ZBTB38: variants seen among roughly 807,000 people sequenced by gnomAD.
The protein encoded by ZBTB38 is zinc finger and BTB domain containing 38, also known as zinc finger and BTB domain-containing protein 38.
ZBTB38 carries 20 observed loss-of-function variants against 76.8 expected under a neutral mutation model. That is an observed-to-expected ratio of 0.26 (90% CI 0.18 to 0.38). ZBTB38 has a LOEUF of 0.38. ZBTB38 is among the 10% of genes least tolerant of loss of function. ZBTB38 has a pLI of 1.00. For synonymous variants in ZBTB38, 504 were observed against 544.2 expected (o/e 0.93, Z 1.03); for missense variants, 1,082 against 1,482.3 (o/e 0.73, Z 4.43).
At chr3:141,347,451 C>T (rs926747006) in intron 1 of ZBTB38, among the ~76,000 whole-genome samples, 4 of 152,168 alleles carry the variant, frequency 2.6e-5, no homozygotes, top group Admixed American at 1.3e-4. Context: ...AATATATAGT[C>T]TCTTAGCATA....
chr3:141,381,933 A>T (rs1946253570), intron 3 of ZBTB38, among the ~76,000 whole-genome samples: 1 of 152,244 alleles, frequency 6.6e-6, no homozygotes, highest in African/African-American at 2.4e-5. Context: ...TTTAGTGTTT[A>T]AATCATTTTA....
intron 2 of ZBTB38, among the ~76,000 whole-genome samples, chr3:141,373,031 A>C (rs1357569162): frequency 2.6e-5 from 4 of 152,222 alleles, no homozygotes; most frequent in Non-Finnish European, 5.9e-5. Context: ...TAAGACCACC[A>C]CATCAGGTAC....
intron 4 of ZBTB38, among the ~76,000 whole-genome samples, chr3:141,390,495 A>G (rs561241743): frequency 2.7e-4 from 41 of 152,368 alleles, no homozygotes; most frequent in African/African-American, 9.6e-4. Flanking sequence ...CTAGAGTGGT[A>G]TTGATCTACC....
intron 5 of ZBTB38, among the ~76,000 whole-genome samples, chr3:141,407,387 A>G (rs1180587285): frequency 6.6e-6 from 1 of 152,234 alleles, no homozygotes; most frequent in East Asian, 1.9e-4. Context: ...ATATAGGATT[A>G]TTTGGAAGAC....
At chr3:141,402,127 C>G (rs552600936) in intron 4 of ZBTB38, among the ~76,000 whole-genome samples, 19 of 152,316 alleles carry the variant, frequency 1.2e-4, no homozygotes, top group African/African-American at 4.1e-4. Context: ...CCGCTGCCTC[C>G]TTGGTGGGGG....
chr3:141,354,925 G>A (rs147593787), intron 1 of ZBTB38, among the ~76,000 whole-genome samples: 1 of 152,016 alleles, frequency 6.6e-6, no homozygotes, highest in African/African-American at 2.4e-5. Context: ...TCTTTCTCAC[G>A]ATTCTTCTTG....
intron 5 of ZBTB38, among the ~76,000 whole-genome samples, chr3:141,412,329 G>T (rs1237783868): frequency 1.3e-5 from 2 of 152,170 alleles, no homozygotes; most frequent in Non-Finnish European, 2.9e-5. Context: ...TGTTTGTTGT[G>T]TTAAGGTCTC....
At chr3:141,370,263 G>T (rs1274538686) in intron 2 of ZBTB38, among the ~76,000 whole-genome samples, 1 of 152,192 alleles carries the variant, frequency 6.6e-6, no homozygotes, top group South Asian at 2.1e-4. Context: ...TTTCAAGGTC[G>T]CCTAGGGGTG....
chr3:141,348,793 A>G (rs1166922621), intron 1 of ZBTB38, among the ~76,000 whole-genome samples: 1 of 152,234 alleles, frequency 6.6e-6, no homozygotes, highest in East Asian at 1.9e-4. Flanking sequence ...CCCCACTAAA[A>G]TGATAGTAAT....
intron 5 of ZBTB38, among the ~76,000 whole-genome samples, chr3:141,427,062 G>A (rs2076541894): frequency 6.6e-6 from 1 of 152,108 alleles, no homozygotes; most frequent in Non-Finnish European, 1.5e-5. Flanking sequence ...AAATAGCAGG[G>A]CAGTTCAGGT....
Position 141,444,497 on chromosome 3 carries a change from C to T in ZBTB38, c.2109C>T (p.Ala703=), listed in dbSNP as rs755447725. The change falls in exon 6 of 6, where the codon GCC becomes GCT. Residue 703 remains alanine (A), a synonymous_variant. Transcript: ENST00000321464. This position sits in a 1 kb window ranked among gnomAD's most constrained non-coding sequence, Gnocchi z 5.1. ...VLSLSNSSEN[A]ASVISYSGSA... Reference sequence around the variant, plus strand: ...CTTTGAGTAATAGCAGTGAGAATGCCGCCTCTGTGATCAGCTACAGTGGCT... The same window carrying T: ...CTTTGAGTAATAGCAGTGAGAATGCTGCCTCTGTGATCAGCTACAGTGGCT... 7.4e-6 allele frequency: 12 copies of T among 1,613,958 alleles called. No homozygotes were observed. The highest frequency in any genetic ancestry group is 6.7e-5 in the East Asian group (3 of 44,898).
intron 1 of ZBTB38, among the ~76,000 whole-genome samples, chr3:141,360,738 G>T (rs1377233522): frequency 6.6e-6 from 1 of 152,048 alleles, no homozygotes; most frequent in African/African-American, 2.4e-5. Context: ...TGTTGGGGTC[G>T]GGGGGCTGTC....
At chr3:141,419,257 G>T (rs142240294) in intron 5 of ZBTB38, among the ~76,000 whole-genome samples, 3 of 152,234 alleles carry the variant, frequency 2.0e-5, no homozygotes, top group African/African-American at 7.2e-5. Context: ...CAGCAAGGAG[G>T]AAATCCGCCC....
At chr3:141,330,943 G>C (rs188566360) in intron 1 of ZBTB38, among the ~76,000 whole-genome samples, 1 of 152,226 alleles carries the variant, frequency 6.6e-6, no homozygotes, top group East Asian at 1.9e-4. Context: ...CATAACTAAA[G>C]GAAATACATT....
chr3:141,378,336 T>C (rs997220359), intron 2 of ZBTB38, among the ~76,000 whole-genome samples: 1 of 151,234 alleles, frequency 6.6e-6, no homozygotes, highest in African/African-American at 2.4e-5. Context: ...ATGTGATACG[T>C]TGCATAGAAC....
In ZBTB38 at chr3:141,346,452, T is replaced by TTTTTTTTTTATATTTTTTTTA. The variant is rs1356448956; in HGVS notation, c.-739+21997_-739+21998insTTTTTTTTATATTTTTTTTAT. Among the ~76,000 whole-genome samples the TTTTTTTTTTATATTTTTTTTA allele has an allele frequency of 6.6e-5, 10 of 152,320 alleles. No individual in the cohort carries two copies. In the East Asian group the frequency reaches 1.9e-3, roughly 29 times the overall value. On this transcript the variant is annotated intron_variant, in intron 1 of 7. Coordinates refer to the ZBTB38 transcript ENST00000509842. ...ATCCCACCCTTTCTCCTTTCCTCCC[T>TTTTTTTTTTATATTTTTTTTA]TCTACCCATTTTTGTTATAATTATT...
At chr3:141,401,202 TG>T (rs1354239066) in intron 4 of ZBTB38, among the ~76,000 whole-genome samples, 3 of 152,242 alleles carry the variant, frequency 2.0e-5, no homozygotes, top group Admixed American at 6.5e-5. Context: ...TTTTTGTTTT[TG>T]TTTTTTTTAA....
intron 5 of ZBTB38, among the ~76,000 whole-genome samples, chr3:141,428,887 T>C (rs2076894849): frequency 6.6e-6 from 1 of 152,220 alleles, no homozygotes; most frequent in Non-Finnish European, 1.5e-5. Flanking sequence ...GCAATTTTAT[T>C]CAATATTGGG....
chr3:141,340,377 T>C (rs913978411), intron 1 of ZBTB38, among the ~76,000 whole-genome samples: 2 of 152,206 alleles, frequency 1.3e-5, no homozygotes, highest in African/African-American at 4.8e-5. Context: ...AGAGATTCAA[T>C]TGAATTCAAT....
Sources: gnomAD v4.1 joint callset for allele counts (sites outside exome capture counted in the v4.1 genomes callset) on GRCh38, gnomAD v4.1.1 for gene constraint, Gnocchi (gnomAD v3.1) non-coding constraint, MANE v1.5 for transcripts, NCBI Gene and HGNC (gene_info 2026-07-23, HGNC 2026-07-21) for gene names.